The following ATF1 variants were observed in gnomAD, a reference collection of about 807,000 sequenced individuals.
ATF1 encodes the protein activating transcription factor 1.
A neutral mutation model predicts 34.7 loss-of-function variants in ATF1; 16 were observed. That is an observed-to-expected ratio of 0.46 (90% CI 0.31 to 0.70). The LOEUF is 0.70. ATF1 is among the 30% of genes least tolerant of loss of function. The pLI is 0.05. For synonymous variants in ATF1, 105 were observed against 113.1 expected (o/e 0.93, Z 0.46); for missense variants, 255 against 321.6 (o/e 0.79, Z 1.58).
chr12:50,818,922 A>G (rs1461556230), intron 6 of ATF1, among the ~76,000 whole-genome samples: 1 of 152,208 alleles, frequency 6.6e-6, no homozygotes, highest in Non-Finnish European at 1.5e-5. Flanking sequence ...TCCGATTTCT[A>G]TATGTATATA....
intron 3 of ATF1, among the ~76,000 whole-genome samples, 195 bp from the exon 4 acceptor site, chr12:50,809,261 C>T (rs1941680879): frequency 6.6e-6 from 1 of 150,922 alleles, no homozygotes; most frequent in Non-Finnish European, 1.5e-5. Context: ...CTGGTCTCAG[C>T]TACTTGGGAG....
chr12:50,767,308 A>G (rs1029468303), intron 1 of ATF1, among the ~76,000 whole-genome samples: 18 of 152,100 alleles, frequency 1.2e-4, no homozygotes, highest in Non-Finnish European at 2.1e-4. Context: ...CCCTGAGGTC[A>G]GGAGTTTGAG....
chr12:50,811,089 T>G (rs964812345), intron 4 of ATF1, among the ~76,000 whole-genome samples: 3 of 152,172 alleles, frequency 2.0e-5, no homozygotes, highest in African/African-American at 7.2e-5. Flanking sequence ...CACGAGCTTG[T>G]TTCTGCCTCA....
intron 3 of ATF1, among the ~76,000 whole-genome samples, chr12:50,798,510 T>C (rs773579886): frequency 6.6e-6 from 1 of 151,938 alleles, no homozygotes; most frequent in Non-Finnish European, 1.5e-5. Context: ...GGGGTTTCAC[T>C]GTGTTAGCCA....
chr12:50,778,605 T>G (rs895191609), intron 1 of ATF1, among the ~76,000 whole-genome samples: 1 of 151,782 alleles, frequency 6.6e-6, no homozygotes, highest in African/African-American at 2.4e-5. Flanking sequence ...ACTTTTTTTT[T>G]TTTTGAGACA....
chr12:50,778,364 T>C (rs1940978368), intron 1 of ATF1, among the ~76,000 whole-genome samples: 1 of 150,832 alleles, frequency 6.6e-6, no homozygotes. Flanking sequence ...TAGCTGGGAC[T>C]GCAGGCACCT....
chr12:50,796,913 G>A (rs888273252), intron 3 of ATF1, among the ~76,000 whole-genome samples: 4 of 152,008 alleles, frequency 2.6e-5, no homozygotes, highest in African/African-American at 7.3e-5. Flanking sequence ...ATGGGACTAC[G>A]TCAAACTAAA....
At chr12:50,794,082 C>G (rs1941361237) in intron 2 of ATF1, among the ~76,000 whole-genome samples, 1 of 151,856 alleles carries the variant, frequency 6.6e-6, no homozygotes, top group Non-Finnish European at 1.5e-5. Flanking sequence ...TCCCGAGTAG[C>G]TGGGACTACA....
Position 50,801,575 on chromosome 12 carries a change from A to G in ATF1, c.194+5566A>G, listed in dbSNP as rs75859384. Among the ~76,000 whole-genome samples, 1,150 of 152,328 alleles carry G rather than the reference A, an allele frequency of 7.5e-3. 3 individuals are homozygous for G. Among genetic ancestry groups the G allele is most frequent in the South Asian group, 0.034 (163 of 4,828 alleles). ...ATAGACACAAAAAATCCTCGACAAC[A>G]TATTAGCAAACCAAATCCAACAACA... On this transcript the variant is annotated intron_variant, in intron 3 of 6. Transcript: ENST00000262053.
At chr12:50,812,789 C>T (rs1481455389) in intron 4 of ATF1, among the ~76,000 whole-genome samples, 1 of 152,064 alleles carries the variant, frequency 6.6e-6, no homozygotes, top group Non-Finnish European at 1.5e-5. Flanking sequence ...CACACCACTG[C>T]ACTCCAGCCT....
intron 1 of ATF1, among the ~76,000 whole-genome samples, chr12:50,779,755 TTTTA>T (rs1051340455): frequency 2.6e-5 from 4 of 152,158 alleles, no homozygotes; most frequent in African/African-American, 4.8e-5. Context: ...TTAGGTATAG[TTTTA>T]TTTATTTGTT....
chr12:50,787,727 G>A (rs1400507055), intron 2 of ATF1, among the ~76,000 whole-genome samples: 1 of 152,010 alleles, frequency 6.6e-6, no homozygotes, highest in Non-Finnish European at 1.5e-5. Context: ...AGGTGTCAGA[G>A]TGAGGCCTTG....
chr12:50,799,788 T>C (rs1003759687), intron 3 of ATF1, among the ~76,000 whole-genome samples: 3 of 152,208 alleles, frequency 2.0e-5, no homozygotes, highest in African/African-American at 7.2e-5. Flanking sequence ...ACTTTGAAGA[T>C]TATTCAATGG....
chr12:50,771,113 C>T lies in ATF1; in HGVS notation c.-7+6806C>T, dbSNP rs910056557. Among the ~76,000 whole-genome samples, 169 of 152,052 alleles carry T rather than the reference C, an allele frequency of 1.1e-3. 1 individual carries two copies. Among genetic ancestry groups the T allele is most frequent in the Non-Finnish European group, 2.4e-4 (16 of 68,020 alleles). ...CTCCGCCTCCTGGGTTCAAGTGATTCTCCTGCCTCAGCCTCCCAAGTAGCT... is the reference window on the plus strand; with the variant it reads ...CTCCGCCTCCTGGGTTCAAGTGATTTTCCTGCCTCAGCCTCCCAAGTAGCT... On this transcript the variant is annotated intron_variant, in intron 1 of 6. Transcript: ENST00000262053.
chr12:50,797,916 G>C lies in ATF1; in HGVS notation c.194+1907G>C, dbSNP rs574702341. 5.9e-5 allele frequency among the ~76,000 whole-genome samples: 9 copies of C among 152,186 alleles called. No individual in the cohort carries two copies. In the East Asian group the frequency reaches 1.8e-3, roughly 30 times the overall value. On this transcript the variant is annotated intron_variant, in intron 3 of 6. Coordinates refer to ENST00000262053, the MANE Select transcript of ATF1 (RefSeq NM_005171.5). ...AAGGAGGCTGGGTACAGTGGCTCAC[G>C]CCTGTAATCCCAGCACTTTGGGAGG... is the stretch of plus-strand genomic sequence containing the variant.
chr12:50,774,607 T>C (rs1487617253), intron 1 of ATF1, among the ~76,000 whole-genome samples: 1 of 152,236 alleles, frequency 6.6e-6, no homozygotes, highest in Non-Finnish European at 1.5e-5. Flanking sequence ...AATCTTAACC[T>C]TAATTTTAGA....
chr12:50,788,181 G>A (rs769495819), intron 2 of ATF1: 1 of 450,350 alleles, frequency 2.2e-6, no homozygotes, highest in South Asian at 1.6e-5. Flanking sequence ...CTATTTTATA[G>A]CCAATCTTTT....
intron 2 of ATF1, among the ~76,000 whole-genome samples, chr12:50,787,364 A>G (rs1173597668): frequency 6.6e-6 from 1 of 152,198 alleles, no homozygotes; most frequent in Non-Finnish European, 1.5e-5. Context: ...TCCAGTGGGA[A>G]AGGTAGAAAA....
At chr12:50,783,075 G>T (rs1472795299) in intron 2 of ATF1, among the ~76,000 whole-genome samples, 1 of 151,954 alleles carries the variant, frequency 6.6e-6, no homozygotes, top group African/African-American at 2.4e-5. Context: ...AATTTTTTTT[G>T]AAAATGTATT....
Sources: gnomAD v4.1 joint callset for allele counts (sites outside exome capture counted in the v4.1 genomes callset) on GRCh38, gnomAD v4.1.1 for gene constraint, MANE v1.5 for transcripts, NCBI Gene and HGNC (gene_info 2026-07-23, HGNC 2026-07-21) for gene names.